ANXA8: variants seen among roughly 807,000 people sequenced by gnomAD.
The protein encoded by ANXA8 is annexin A8.
ANXA8 carries 9 observed loss-of-function variants against 26.8 expected under a neutral mutation model. The observed-to-expected ratio is 0.34, with a 90% confidence interval of 0.20 to 0.59. The LOEUF is 0.59. Among genes scored for constraint, ANXA8 ranks in the 20% least tolerant of loss-of-function variants. The probability of loss-of-function intolerance (pLI) is 0.84; values close to 1 mark genes in which losing one functional copy is unlikely to be tolerated. For missense variants in ANXA8, 83 were observed against 238.5 expected, an observed-to-expected ratio of 0.35 and a Z score of 4.29; for synonymous variants, 39 against 94.8, an observed-to-expected ratio of 0.41 and a Z score of 3.42.
the ANXA8 span, among the ~76,000 whole-genome samples, chr10:47,570,580 A>G: frequency 2.0e-5 from 3 of 150,268 alleles, no homozygotes; most frequent in Non-Finnish European, 2.9e-5. Context: ...CCGGAAGTTC[A>G]AGACCACCCT....
chr10:47,744,422 T>TG, the ANXA8 span, among the ~76,000 whole-genome samples: 1 of 11,734 alleles, frequency 8.5e-5, no homozygotes, highest in African/African-American at 3.9e-4. Flanking sequence ...GGGGGGGGGG[T>TG]TGGGGGGGAG....
chr10:47,639,319 T>A, the ANXA8 span, among the ~76,000 whole-genome samples: 2,144 of 118,590 alleles, frequency 0.018, 12 homozygotes, highest in East Asian at 0.091. Flanking sequence ...TTATTATTTT[T>A]TTTTTTTTTT....
At chr10:47,554,110 A>AAAATAAATAAAT in the ANXA8 span, among the ~76,000 whole-genome samples, 40,093 of 129,366 alleles carry the variant, frequency 0.31, 6,065 homozygotes, top group East Asian at 0.41. Context: ...CATCTCTCAA[A>AAAATAAATAAAT]AAATAAATAA....
the ANXA8 span, among the ~76,000 whole-genome samples, chr10:47,490,083 A>G: frequency 1.2e-4 from 18 of 150,506 alleles, 2 homozygotes; most frequent in South Asian, 1.0e-3. Context: ...CCTGTGTGCC[A>G]GGTCACACCC....
At chr10:47,730,155 AG>A in the ANXA8 span, 6 of 260,422 alleles carry the variant, frequency 2.3e-5, no homozygotes, top group Non-Finnish European at 3.8e-5. Context: ...AGGAACCAAA[AG>A]AAACAATGAA....
the ANXA8 span, among the ~76,000 whole-genome samples, chr10:47,556,550 A>C: frequency 6.6e-6 from 1 of 151,888 alleles, no homozygotes. Context: ...TTTAATGCAT[A>C]ATCTTCCATC....
At chr10:47,521,932 C>G in the ANXA8 span, among the ~76,000 whole-genome samples, 1 of 150,266 alleles carries the variant, frequency 6.7e-6, no homozygotes, top group Admixed American at 6.6e-5. Context: ...AGTCATGCGC[C>G]ACTACGCCCA....
chr10:47,955,445 G>A, the ANXA8 span, among the ~76,000 whole-genome samples: 1 of 149,030 alleles, frequency 6.7e-6, no homozygotes, highest in East Asian at 2.1e-4. Flanking sequence ...AAACCTAAAT[G>A]GTACAGCCCA....
At chr10:47,551,826 C>T in the ANXA8 span, 1 of 969,498 alleles carries the variant, frequency 1.0e-6, no homozygotes. Flanking sequence ...TCTTAGTCTC[C>T]TAGCTGGAGA....
At chr10:47,767,835 C>A in the ANXA8 span, among the ~76,000 whole-genome samples, 1 of 149,566 alleles carries the variant, frequency 6.7e-6, no homozygotes, top group Non-Finnish European at 1.5e-5. Flanking sequence ...ATGGAAAGCC[C>A]CACGTGGAGG....
the ANXA8 span, among the ~76,000 whole-genome samples, chr10:47,650,080 C>T: frequency 1.5e-4 from 22 of 148,242 alleles, no homozygotes; most frequent in Admixed American, 6.1e-4. Context: ...TGGTGGCACG[C>T]GCCTGTAATC....
chr10:47,498,250 G>A, the ANXA8 span, among the ~76,000 whole-genome samples: 12 of 149,766 alleles, frequency 8.0e-5, no homozygotes, highest in East Asian at 1.6e-3. Flanking sequence ...AAGGAACACC[G>A]TATTTGTCTT....
At chr10:47,957,620 T>C in the ANXA8 span, among the ~76,000 whole-genome samples, 7 of 149,302 alleles carry the variant, frequency 4.7e-5, no homozygotes, top group African/African-American at 1.5e-4. Flanking sequence ...ACAAACTTCA[T>C]GGTTTAAAAG....
the ANXA8 span, among the ~76,000 whole-genome samples, chr10:47,639,111 T>C: frequency 2.0e-5 from 3 of 149,564 alleles, no homozygotes; most frequent in Admixed American, 2.0e-4. Flanking sequence ...TGCCAGAATT[T>C]AGTTTTTTGT....
chr10:47,936,559 GC>G, the ANXA8 span, among the ~76,000 whole-genome samples: 2 of 117,718 alleles, frequency 1.7e-5, no homozygotes, highest in African/African-American at 3.1e-5. Flanking sequence ...CTGGTAGGAT[GC>G]TGCTGTGTCA....
the ANXA8 span, among the ~76,000 whole-genome samples, chr10:47,668,559 G>A: frequency 6.6e-6 from 1 of 151,740 alleles, no homozygotes; most frequent in Non-Finnish European, 1.5e-5. Flanking sequence ...AGTATCTTCT[G>A]TATTCTTTCC....
the ANXA8 span, chr10:47,563,660 A>G: frequency 1.9e-5 from 16 of 839,500 alleles, no homozygotes; most frequent in Non-Finnish European, 3.4e-5. Flanking sequence ...GGCTTCTCTG[A>G]TGACATACAA....
At chr10:47,671,422 A>AAAAACAAAACAAAAC in the ANXA8 span, among the ~76,000 whole-genome samples, 11 of 150,402 alleles carry the variant, frequency 7.3e-5, no homozygotes, top group African/African-American at 2.5e-4. Flanking sequence ...ACCCTGTCTC[A>AAAAACAAAACAAAAC]AAAACAAAAC....
At chr10:47,561,560 A>G in the ANXA8 span, among the ~76,000 whole-genome samples, 4 of 151,818 alleles carry the variant, frequency 2.6e-5, 1 homozygote, top group African/African-American at 7.3e-5. Context: ...TCCTTTCATG[A>G]TATGTATGGA....
Sources: gnomAD v4.1 joint callset for allele counts (sites outside exome capture counted in the v4.1 genomes callset) on GRCh38, gnomAD v4.1.1 for gene constraint, MANE v1.5 for transcripts, NCBI Gene and HGNC (gene_info 2026-07-23, HGNC 2026-07-21) for gene names.